Variants in NBR1 observed in about 807,000 individuals in gnomAD.
NBR1 encodes the protein NBR1 autophagy cargo receptor, also known as next to BRCA1 gene 1 protein.
A neutral mutation model predicts 115.5 loss-of-function variants in NBR1; 59 were observed. The ratio of observed to expected loss-of-function variants is 0.51; its 90% CI spans 0.41 to 0.63. The LOEUF (loss-of-function observed/expected upper bound fraction) is 0.63, where lower values mean the gene tolerates loss of function less well. Among genes scored for constraint, NBR1 ranks in the 30% least tolerant of loss-of-function variants. NBR1 has a pLI of 0.00. For synonymous variants in NBR1, 373 were observed against 414.7 expected (o/e 0.90, Z 1.22); for missense variants, 1,043 against 1,150.5 (o/e 0.91, Z 1.35).
At chr17:43,179,483 A>G (rs1257681117) in intron 4 of NBR1, 71 bp downstream of exon 4, 1 of 1,379,536 alleles carries the variant, frequency 7.2e-7, no homozygotes, top group East Asian at 2.3e-5. Context: ...ATTTCTATTT[A>G]TACTCAAACC....
intron 10 of NBR1, among the ~76,000 whole-genome samples, chr17:43,191,856 G>A (rs1473731038): frequency 6.6e-6 from 1 of 151,980 alleles, no homozygotes; most frequent in Admixed American, 6.6e-5. Context: ...GAGTAGCTGG[G>A]ACTACAAGCA....
At chr17:43,183,768 T>C (rs1242999163) in intron 5 of NBR1, among the ~76,000 whole-genome samples, 7 of 151,992 alleles carry the variant, frequency 4.6e-5, no homozygotes, top group Non-Finnish European at 8.8e-5. Flanking sequence ...CAAGCAATTC[T>C]CATACCTCAG....
rs2057167286 is a variant in NBR1, at chr17:43,200,281, A to G, written c.2141A>G (p.Glu714Gly). Reference protein sequence around the residue: ...EEEDEEDEEEEDELKDEVQSQ... With the variant: ...EEEDEEDEEEGDELKDEVQSQ... Reference sequence around the variant, plus strand: ...GAGGATGAGGAGGATGAGGAGGAGGAGGATGAGCTCAAAGATGAAGTTCAA... The same window carrying G: ...GAGGATGAGGAGGATGAGGAGGAGGGGGATGAGCTCAAAGATGAAGTTCAA... Residue 714 changes from glutamate (E) to glycine (G), a missense_variant, in exon 17 of 21, where the codon GAG (glutamate) becomes GGG (glycine). Physicochemically the swap from Glu to Gly is moderately conservative, Grantham distance 98. Transcript: ENST00000590996. 3 of 1,552,044 alleles carry G rather than the reference A, an allele frequency of 1.9e-6. No homozygotes were observed. The highest frequency in any genetic ancestry group is 1.7e-6 in the Non-Finnish European group (2 of 1,147,072).
In NBR1 at chr17:43,201,766, A is replaced by G. The variant is rs1163483409; in HGVS notation, c.2549A>G (p.Asp850Gly). 1 of 1,587,132 alleles carries G rather than the reference A, an allele frequency of 6.3e-7. No homozygotes were observed. The highest frequency in any genetic ancestry group is 2.2e-5 in the East Asian group (1 of 44,752). The stretch of plus-strand genomic sequence containing the variant: ...ATACCAGAAGTTTCTTCAGTCCCTG[A>G]TCAGATCAGAGGAGGTAATGATCAG... ...VTIPEVSSVP[D>G]QIRGEPRGSS... The change falls in exon 18 of 21, where the codon GAT (aspartate) becomes GGT (glycine). Residue 850 changes from aspartate to glycine, a missense_variant. Transcript: ENST00000590996.
intron 3 of NBR1, 51 bp from the exon 4 acceptor site, chr17:43,179,343 C>T (rs1477915312): frequency 3.2e-6 from 5 of 1,575,154 alleles, no homozygotes; most frequent in South Asian, 1.1e-5. Flanking sequence ...AACAGAAATG[C>T]TCAACTGATG....
intron 3 of NBR1, among the ~76,000 whole-genome samples, chr17:43,178,621 C>G (rs914660779): frequency 3.3e-5 from 5 of 152,026 alleles, no homozygotes; most frequent in Non-Finnish European, 7.4e-5. Context: ...AAGCGATCAG[C>G]CCACCTCGGA....
intron 10 of NBR1, among the ~76,000 whole-genome samples, chr17:43,192,045 G>A (rs1226136707): frequency 2.9e-5 from 4 of 136,468 alleles, no homozygotes; most frequent in African/African-American, 8.1e-5. Flanking sequence ...TTTTGAGATG[G>A]AGTCTCGCTC....
intron 20 of NBR1, among the ~76,000 whole-genome samples, chr17:43,207,318 GTAT>G: frequency 6.6e-6 from 1 of 152,212 alleles, no homozygotes; most frequent in Non-Finnish European, 1.5e-5. Context: ...AAATAGTGTA[GTAT>G]TTATATATAA....
intron 20 of NBR1, among the ~76,000 whole-genome samples, chr17:43,205,877 C>CA (rs71361507): frequency 0.022 from 1,299 of 58,460 alleles, 49 homozygotes; most frequent in Middle Eastern, 0.05. Flanking sequence ...GACCATGTCT[C>CA]AAAAAAAAAA....
chr17:43,202,485 T>A (rs1324636507), intron 18 of NBR1, among the ~76,000 whole-genome samples, 170 bp from the exon 19 acceptor site: 2 of 151,722 alleles, frequency 1.3e-5, no homozygotes, highest in African/African-American at 4.9e-5. Context: ...CAGTTTCTCC[T>A]TATCACTTAA....
chr17:43,193,123 T>A lies in NBR1; in HGVS notation c.1103T>A (p.Met368Lys). The A allele has an allele frequency of 5.6e-6, 9 of 1,614,008 alleles. No homozygotes were observed. The highest frequency in any genetic ancestry group is 7.6e-6 in the Non-Finnish European group (9 of 1,179,886). Reference protein sequence around the residue: ...MLPLQPCTSVMPMLSAAFVDE... With the variant: ...MLPLQPCTSVKPMLSAAFVDE... Reference sequence around the variant, plus strand: ...CCTTTGCAGCCCTGTACCTCCGTTATGCCAATGCTCAGTGCAGCATTTGTG... The same window carrying A: ...CCTTTGCAGCCCTGTACCTCCGTTAAGCCAATGCTCAGTGCAGCATTTGTG... Residue 368 changes from methionine to lysine, a missense_variant, in exon 11 of 21, where the codon ATG becomes AAG. Coordinates refer to ENST00000590996, the MANE Select transcript of NBR1 (RefSeq NM_005899.5).
Position 43,186,358 on chromosome 17 carries a change from G to A in NBR1, c.316G>A (p.Ala106Thr). ...VVGAKRLAARAGKKPLAHYSS... is the reference protein window; with the variant it reads ...VVGAKRLAARTGKKPLAHYSS... Reference sequence around the variant, plus strand: ...AGGAGCAAAACGACTAGCTGCCAGGGCAGGGAAGAAGCCACTTGCACATTA... The same window carrying A: ...AGGAGCAAAACGACTAGCTGCCAGGACAGGGAAGAAGCCACTTGCACATTA... The change falls in exon 6 of 21, where the codon GCA becomes ACA. Residue 106 changes from alanine (A) to threonine (T), a missense_variant. By Grantham distance (58) the Ala-to-Thr change is moderately conservative. Transcript: ENST00000590996. The A allele has an allele frequency of 1.2e-6, 2 of 1,601,200 alleles. No homozygotes were observed. The highest frequency in any genetic ancestry group is 1.1e-5 in the South Asian group (1 of 88,476).
At position 43,180,873 on chromosome 17, in the gene NBR1, G is replaced by A. The variant is rs572381155; in HGVS notation, c.207+56G>A. The A allele has an allele frequency of 1.1e-5, 15 of 1,317,680 alleles. No homozygotes were observed. The South Asian group carries it at 2.5e-4, about 22-fold the overall frequency. 81.6% of individuals were successfully genotyped at this position (1,317,680 alleles called of 1,614,324 possible). A position where few individuals can be genotyped will look rare whatever the true frequency, so the allele number is the denominator to read the frequency against. ...ATTTAAAAAATATTATTATGGGTTG[G>A]TTTTTTTTCTTTTTTTGAGATGAGG... On this transcript the variant is annotated intron_variant, in intron 5 of 20. Transcript: ENST00000590996.
chr17:43,197,235 C>A, intron 16 of NBR1, 129 bp downstream of exon 16: 2 of 965,284 alleles, frequency 2.1e-6, no homozygotes, highest in South Asian at 3.4e-5. Flanking sequence ...AAGTTCTGAT[C>A]TTGGCGGGGC....
rs1180978477 is a variant in NBR1 at position 43,195,018 on chromosome 17, G to C, written c.1729G>C (p.Val577Leu). Reference sequence around the variant, plus strand: ...AAACATTGTTCAAGAGTTGGAGAGAGTGCCCCACAACACCCCTGTGGGTAA... The same window carrying C: ...AAACATTGTTCAAGAGTTGGAGAGACTGCCCCACAACACCCCTGTGGGTAA... ...DINIVQELERVPHNTPVDVTP... is the reference protein window; with the variant it reads ...DINIVQELERLPHNTPVDVTP... Residue 577 changes from valine (V) to leucine (L), a missense_variant, in exon 14 of 21, where the codon GTG becomes CTG. By Grantham distance (32) the Val-to-Leu change is conservative (BLOSUM62 1). Transcript: ENST00000590996. 6.2e-7 allele frequency: 1 copy of C among 1,613,666 alleles called. No homozygotes were observed. Among genetic ancestry groups the C allele is most frequent in the South Asian group, 1.1e-5 (1 of 91,022 alleles).
chr17:43,174,716 A>G (rs576949357), intron 1 of NBR1, among the ~76,000 whole-genome samples: 1 of 152,222 alleles, frequency 6.6e-6, no homozygotes, highest in South Asian at 2.1e-4. Flanking sequence ...GTATATGTGA[A>G]TGAGGATAGC....
chr17:43,172,507 G>C (rs1041137435), intron 1 of NBR1, among the ~76,000 whole-genome samples: 1 of 152,204 alleles, frequency 6.6e-6, no homozygotes, highest in African/African-American at 2.4e-5. Context: ...TTGGCGGACT[G>C]AGTCACTTCA....
At chr17:43,170,826 G>A (rs550439930), upstream of NBR1, 1 of 152,288 alleles carries the variant, frequency 6.6e-6, no homozygotes, top group Admixed American at 6.5e-5. Flanking sequence ...GGATTGGAGT[G>A]TTGTTATGTT....
At chr17:43,171,938 C>T (rs1298963857) in intron 1 of NBR1, among the ~76,000 whole-genome samples, 2 of 152,144 alleles carry the variant, frequency 1.3e-5, no homozygotes, top group African/African-American at 4.8e-5. Context: ...CCACCGCTCC[C>T]GGCCTCAGGT....
Sources: gnomAD v4.1 joint callset for allele counts (sites outside exome capture counted in the v4.1 genomes callset) on GRCh38, gnomAD v4.1.1 for gene constraint, MANE v1.5 for transcripts, NCBI Gene and HGNC (gene_info 2026-07-23, HGNC 2026-07-21) for gene names.